The following SLC49A4 variants were observed in gnomAD, a reference collection of about 807,000 sequenced individuals.
SLC49A4 encodes the protein solute carrier family 49 member 4.
Under a neutral mutation model 50.6 loss-of-function variants are expected in SLC49A4, and 36 were observed. That is an observed-to-expected ratio of 0.71 (90% confidence interval 0.55 to 0.94). The LOEUF (loss-of-function observed/expected upper bound fraction) is 0.94. SLC49A4 is among the 40% of genes least tolerant of loss of function. The probability of loss-of-function intolerance (pLI) is 0.00; values close to 1 mark genes in which losing one functional copy is unlikely to be tolerated. For synonymous variants in SLC49A4, 248 were observed against 241.2 expected (o/e 1.03, Z -0.26); for missense variants, 503 against 605.7 (o/e 0.83, Z 1.78).
At chr3:122,858,878 T>C (rs1248247664) in intron 6 of SLC49A4, among the ~76,000 whole-genome samples, 1 of 152,166 alleles carries the variant, frequency 6.6e-6, no homozygotes, top group Non-Finnish European at 1.5e-5. Flanking sequence ...GAAAATTTTT[T>C]TGGCATAGCT....
At chr3:122,822,584 G>A (rs1936468695) in intron 2 of SLC49A4, among the ~76,000 whole-genome samples, 1 of 152,160 alleles carries the variant, frequency 6.6e-6, no homozygotes, top group Non-Finnish European at 1.5e-5. Context: ...TTACATTTCA[G>A]TTATTATAAA....
At chr3:122,827,871 A>G (rs555596333) in intron 3 of SLC49A4, among the ~76,000 whole-genome samples, 19 of 152,366 alleles carry the variant, frequency 1.2e-4, no homozygotes, top group Admixed American at 1.2e-3. Context: ...GGCTTCAACA[A>G]GAATGTAATA....
chr3:122,854,234 T>C (rs1051038948), intron 5 of SLC49A4, among the ~76,000 whole-genome samples: 19 of 152,340 alleles, frequency 1.2e-4, no homozygotes, highest in African/African-American at 4.6e-4. Context: ...TAATTTAAGC[T>C]TCAGGATGTT....
intron 5 of SLC49A4, 111 bp from the exon 6 acceptor site, chr3:122,856,192 CTTTT>C: frequency 2.3e-6 from 2 of 885,958 alleles, no homozygotes; most frequent in Non-Finnish European, 3.6e-6. Flanking sequence ...CACATGAATT[CTTTT>C]ATTTCATCCA....
Position 122,795,137 on chromosome 3 carries a change from T to C in SLC49A4, c.-56T>C. ...TGCTCAGGACTATTCTGCGCTGGGC[T>C]AGTCGGCGGTGACCCGGACTGCGCC... On this transcript the variant is annotated 5_prime_UTR_variant, in exon 1 of 9. Coordinates refer to ENST00000261038, the MANE Select transcript of SLC49A4 (RefSeq NM_032839.3). 7.7e-7 allele frequency: 1 copy of C among 1,299,062 alleles called. No homozygotes were observed. The highest frequency in any genetic ancestry group is 2.6e-5 in the South Asian group (1 of 37,852). 80.5% of individuals were successfully genotyped at this position (1,299,062 alleles called of 1,614,324 possible).
At chr3:122,803,960 G>T (rs1040885555) in intron 1 of SLC49A4, among the ~76,000 whole-genome samples, 1 of 152,062 alleles carries the variant, frequency 6.6e-6, no homozygotes, top group Non-Finnish European at 1.5e-5. Context: ...AATCACTTGG[G>T]GTCTATTTAT....
intron 2 of SLC49A4, among the ~76,000 whole-genome samples, chr3:122,808,974 G>C (rs1203705599): frequency 6.6e-6 from 1 of 152,174 alleles, no homozygotes; most frequent in Non-Finnish European, 1.5e-5. Flanking sequence ...GGATGGCACA[G>C]ACATGAGGGG....
In SLC49A4 at chr3:122,826,908, C is replaced by T. The variant is rs1295621863; in HGVS notation, c.546C>T (p.Ala182=). Reference sequence around the variant, plus strand: ...TTTCTGCAGATGAAAGGGCCACAGCCACAGCTATTGCATCAATGCTCAGTT... The same window carrying T: ...TTTCTGCAGATGAAAGGGCCACAGCTACAGCTATTGCATCAATGCTCAGTT... The part of the protein sequence containing the change: ...TWFSADERAT[A]TAIASMLSYL... Residue 182 remains alanine (A), a synonymous_variant, in exon 3 of 9, where the codon GCC becomes GCT. Coordinates refer to ENST00000261038, the MANE Select transcript of SLC49A4 (RefSeq NM_032839.3). 6.8e-6 allele frequency: 11 copies of T among 1,614,046 alleles called. No homozygotes were observed. Among genetic ancestry groups the T allele is most frequent in the African/African-American group, 1.3e-5 (1 of 74,926 alleles).
chr3:122,871,332 A>AT (rs1037343905), intron 7 of SLC49A4, among the ~76,000 whole-genome samples: 41 of 149,570 alleles, frequency 2.7e-4, no homozygotes, highest in African/African-American at 6.8e-4. Flanking sequence ...GTGTACTATT[A>AT]TTTTTTTTTT....
intron 8 of SLC49A4, 53 bp downstream of exon 8, chr3:122,872,650 G>T (rs1937210668): frequency 2.2e-6 from 3 of 1,366,954 alleles, no homozygotes; most frequent in African/African-American, 1.5e-5. Flanking sequence ...AGAAAAGTTT[G>T]GGTCACTAGT....
intron 2 of SLC49A4, among the ~76,000 whole-genome samples, chr3:122,825,222 A>G (rs1262530448): frequency 2.6e-5 from 4 of 152,306 alleles, no homozygotes; most frequent in Non-Finnish European, 2.9e-5. Context: ...GTCATCACAC[A>G]CTGTCTCATT....
intron 7 of SLC49A4, among the ~76,000 whole-genome samples, chr3:122,868,669 A>G (rs1250904653): frequency 6.6e-6 from 1 of 152,238 alleles, no homozygotes; most frequent in East Asian, 1.9e-4. Context: ...CCCCATTCTG[A>G]TGATGAAGAT....
At chr3:122,862,798 T>C (rs1937073013) in intron 7 of SLC49A4, among the ~76,000 whole-genome samples, 1 of 152,260 alleles carries the variant, frequency 6.6e-6, no homozygotes, top group Non-Finnish European at 1.5e-5. Context: ...TTTAATGTGA[T>C]AACAGCTTTA....
intron 1 of SLC49A4, among the ~76,000 whole-genome samples, chr3:122,798,567 G>T (rs1328845842): frequency 6.7e-6 from 1 of 150,274 alleles, no homozygotes; most frequent in Non-Finnish European, 1.5e-5. Context: ...CCTGCTACAG[G>T]TGTTCCATCT....
intron 5 of SLC49A4, among the ~76,000 whole-genome samples, chr3:122,846,420 A>T (rs1458183039): frequency 6.6e-6 from 1 of 152,180 alleles, no homozygotes; most frequent in Non-Finnish European, 1.5e-5. Context: ...TAAAAAAAAA[A>T]AAATTTGTCT....
At chr3:122,831,405 T>C (rs151270937) in intron 3 of SLC49A4, among the ~76,000 whole-genome samples, 7 of 152,256 alleles carry the variant, frequency 4.6e-5, no homozygotes, top group South Asian at 2.1e-4. Context: ...AAATGTGATA[T>C]ATCTGTGCAA....
Position 122,845,779 on chromosome 3 carries a change from A to G in SLC49A4, c.850A>G (p.Met284Val). Residue 284 changes from methionine (M) to valine (V), a missense_variant, in exon 5 of 9, where the codon ATG becomes GTG. Coordinates refer to ENST00000261038, the MANE Select transcript of SLC49A4 (RefSeq NM_032839.3). ...CRLLSNFRFL[M>V]IALAYAIPLG... The stretch of plus-strand genomic sequence containing the variant: ...CATTCACAGCAATTTTCGATTTTTG[A>G]TGATTGCTTTAGCATATGCCATACC... 2.5e-6 allele frequency: 4 copies of G among 1,585,308 alleles called. No homozygotes were observed. The highest frequency in any genetic ancestry group is 3.4e-6 in the Non-Finnish European group (4 of 1,167,972).
intron 5 of SLC49A4, among the ~76,000 whole-genome samples, chr3:122,846,411 A>G (rs1936851081): frequency 7.4e-6 from 1 of 135,792 alleles, no homozygotes; most frequent in Non-Finnish European, 1.7e-5. Context: ...TTGTATGAGT[A>G]AAAAAAAAAA....
chr3:122,849,397 C>T (rs1016228407), intron 5 of SLC49A4, among the ~76,000 whole-genome samples: 5 of 152,176 alleles, frequency 3.3e-5, no homozygotes, highest in African/African-American at 9.7e-5. Flanking sequence ...TCTACGGAAC[C>T]TCTGTACCGT....
Sources: gnomAD v4.1 joint callset for allele counts (sites outside exome capture counted in the v4.1 genomes callset) on GRCh38, gnomAD v4.1.1 for gene constraint, MANE v1.5 for transcripts, NCBI Gene and HGNC (gene_info 2026-07-23, HGNC 2026-07-21) for gene names.